Variants in C5 observed in about 807,000 individuals in gnomAD.
C5 encodes C3 and PZP-like alpha-2-macroglobulin domain-containing protein 4.
C5 carries 140 observed loss-of-function variants against 218.8 expected under a neutral mutation model. The observed-to-expected ratio is 0.64, with a 90% CI of 0.56 to 0.74. The LOEUF (loss-of-function observed/expected upper bound fraction) is 0.74. Ranked by LOEUF, C5 falls within the 30% of genes least tolerant of loss-of-function variation. C5 has a pLI of 0.00. For missense variants in C5, 1,700 were observed against 1,969.6 expected (o/e 0.86, Z 2.59); for synonymous variants, 614 against 682.3 (o/e 0.90, Z 1.56).
intron 5 of C5, among the ~76,000 whole-genome samples, chr9:121,033,013 G>T (rs13299887): frequency 0.14 from 20,582 of 142,810 alleles, 1,574 homozygotes; most frequent in Admixed American, 0.19. Context: ...AAAAACTATG[G>T]GTGTGTGTGT....
chr9:121,063,389 G>T, the C5 span, among the ~76,000 whole-genome samples: 1 of 151,450 alleles, frequency 6.6e-6, no homozygotes, highest in Non-Finnish European at 1.5e-5. Flanking sequence ...TATAATTTTC[G>T]TCTTATTCTT....
chr9:121,015,135 A>T (rs1042314870), intron 16 of C5, 64 bp downstream of exon 16: 1 of 1,030,140 alleles, frequency 9.7e-7, no homozygotes, highest in Non-Finnish European at 1.5e-6. Flanking sequence ...ATAACATTTA[A>T]TTTTGTCCAG....
chr9:121,002,284 A>ATGTGTGTGTGTGTGTG (rs1301302145), intron 20 of C5, among the ~76,000 whole-genome samples: 1 of 118,652 alleles, frequency 8.4e-6, no homozygotes, highest in Admixed American at 9.7e-5. Flanking sequence ...ATATATACGT[A>ATGTGTGTGTGTGTGTG]TATATGTATA....
In C5 at chr9:120,961,583, T is replaced by G. The variant is rs916318963; in HGVS notation, c.4505-18A>C. 2.0e-6 allele frequency: 3 copies of G among 1,522,404 alleles called. No homozygotes were observed. The highest frequency in any genetic ancestry group is 2.7e-6 in the Non-Finnish European group (3 of 1,096,670). The allele number at this position is 1,522,404 out of a possible 1,614,324, so 94.3% of individuals were successfully genotyped here. ...CTGTTTATCTGTGGCAACAAAAGTG[T>G]GGTTAAGAGAAGTGGTTTGATTGAA... On this transcript the variant is annotated intron_variant, in intron 36 of 40. Transcript: ENST00000223642.
the C5 span, among the ~76,000 whole-genome samples, chr9:121,055,786 G>A: frequency 3.3e-5 from 5 of 152,152 alleles, no homozygotes; most frequent in Admixed American, 3.3e-4. Flanking sequence ...TACAGAGCTG[G>A]TCTGGAAGGC....
At chr9:120,954,795 A>T (rs570712060) in intron 39 of C5, among the ~76,000 whole-genome samples, 1 of 152,340 alleles carries the variant, frequency 6.6e-6, no homozygotes, top group Admixed American at 6.5e-5. Flanking sequence ...GTAAACTTTC[A>T]TTAGTGATAT....
chr9:121,061,019 C>A, the C5 span, among the ~76,000 whole-genome samples: 1 of 152,106 alleles, frequency 6.6e-6, no homozygotes, highest in Non-Finnish European at 1.5e-5. Context: ...AAAACCTTGT[C>A]TCTACTAAAA....
chr9:120,955,052 T>C (rs1433195089), intron 39 of C5, among the ~76,000 whole-genome samples: 1 of 152,248 alleles, frequency 6.6e-6, no homozygotes, highest in Non-Finnish European at 1.5e-5. Context: ...TAAACTTTTA[T>C]TCTTCTATAT....
rs139694265 is a variant in C5, at chr9:120,985,528, T to G, written c.3231-2714A>C. Among the ~76,000 whole-genome samples the G allele has an allele frequency of 8.6e-3, 1,313 of 152,276 alleles. 14 individuals are homozygous for G. The highest frequency in any genetic ancestry group is 0.03 in the African/African-American group (1,231 of 41,536). On this transcript the variant is annotated intron_variant, in intron 25 of 40. Coordinates refer to ENST00000223642, the MANE Select transcript of C5 (RefSeq NM_001735.3). ...GTTCATTATCATATTGTTTGTAATA[T>G]TAAAATTTGGAAATGGTTGTCCATC...
chr9:121,016,381 T>C lies in C5; in HGVS notation c.1869A>G (p.Val623=), dbSNP rs759677057. ...GATCACTCTTCTCTAAGAATTGAAATACCTGTCCAGAAAGGCAAAATGTTG... is the reference window on the plus strand; with the variant it reads ...GATCACTCTTCTCTAAGAATTGAAACACCTGTCCAGAAAGGCAAAATGTTG... ...QRGAKKPLER[V]FQFLEKSDLG... is the part of the protein sequence containing the mutation. Residue 623 remains valine, a splice_region_variant and synonymous_variant, in exon 15 of 41, where the codon GTA becomes GTG. Transcript: ENST00000223642. 3.1e-6 allele frequency: 5 copies of C among 1,614,006 alleles called. No homozygotes were observed. The highest frequency in any genetic ancestry group is 1.1e-5 in the South Asian group (1 of 91,082).
At chr9:121,002,286 A>G (rs1246078710) in intron 20 of C5, among the ~76,000 whole-genome samples, 1,611 of 115,068 alleles carry the variant, frequency 0.014, 72 homozygotes, top group Middle Eastern at 0.032. Context: ...ATATACGTAT[A>G]TATGTATATA....
intron 17 of C5, among the ~76,000 whole-genome samples, chr9:121,011,635 A>C (rs1343496621): frequency 6.6e-6 from 1 of 152,244 alleles, no homozygotes; most frequent in African/African-American, 2.4e-5. Flanking sequence ...TATATACCCA[A>C]AAGAAAGAAA....
At chr9:120,966,468 T>A (rs772026238) in intron 33 of C5, among the ~76,000 whole-genome samples, 1 of 152,224 alleles carries the variant, frequency 6.6e-6, no homozygotes, top group African/African-American at 2.4e-5. Context: ...GAGTTCTTAC[T>A]GGTAGAGGCT....
chr9:120,960,238 T>C lies in C5; in HGVS notation c.4678+10A>G, dbSNP rs770665520. ...TGTTTAAAGGAGCTATATTGAACTT[T>C]TGAACTCACCATATGCAATCTCTGG... On this transcript the variant is annotated intron_variant, in intron 38 of 40. Transcript: ENST00000223642. The C allele has an allele frequency of 3.1e-6, 5 of 1,587,672 alleles. No homozygotes were observed. The highest frequency in any genetic ancestry group is 1.1e-5 in the South Asian group (1 of 90,534).
At chr9:121,036,768 C>T (rs1284924501) in intron 4 of C5, among the ~76,000 whole-genome samples, 1 of 152,148 alleles carries the variant, frequency 6.6e-6, no homozygotes, top group South Asian at 2.1e-4. Flanking sequence ...CCTCTGAGCT[C>T]ATGGTATTTG....
At chr9:121,012,195 G>A (rs866035242) in intron 17 of C5, among the ~76,000 whole-genome samples, 1 of 151,794 alleles carries the variant, frequency 6.6e-6, no homozygotes, top group South Asian at 2.1e-4. Context: ...GTTACTTATT[G>A]CATTCCTGTA....
chr9:121,061,099 A>C, the C5 span, among the ~76,000 whole-genome samples: 1 of 152,158 alleles, frequency 6.6e-6, no homozygotes, highest in African/African-American at 2.4e-5. Context: ...GAGGCAGGAG[A>C]ATCACTTGAG....
At position 120,969,114 on chromosome 9, in the gene C5, G is replaced by C; in HGVS notation, c.4167C>G (p.Ser1389=). The C allele has an allele frequency of 6.2e-7, 1 of 1,613,568 alleles. No homozygotes were observed. Among genetic ancestry groups the C allele is most frequent in the Middle Eastern group, 1.6e-4 (1 of 6,062 alleles). ...CAGAGTTTCCGTAGCCTCTGTAGTG[G>C]GATGCTGGCACATAAGACAAGAAAA... ...LKIDTQDIEA[S]HYRGYGNSDY... The change falls in exon 33 of 41, where the codon TCC becomes TCG. Residue 1389 remains serine, a synonymous_variant. Coordinates refer to ENST00000223642, the MANE Select transcript of C5 (RefSeq NM_001735.3).
the C5 span, among the ~76,000 whole-genome samples, chr9:121,063,318 T>C: frequency 3.9e-5 from 6 of 152,170 alleles, no homozygotes; most frequent in South Asian, 1.2e-3. Context: ...AGTGTCCCTA[T>C]TGAATTTTTT....
Sources: gnomAD v4.1 joint callset for allele counts (sites outside exome capture counted in the v4.1 genomes callset) on GRCh38, gnomAD v4.1.1 for gene constraint, MANE v1.5 for transcripts, NCBI Gene and HGNC (gene_info 2026-07-23, HGNC 2026-07-21) for gene names.